FTO: variants seen among roughly 807,000 people sequenced by gnomAD.
FTO encodes alpha-ketoglutarate-dependent dioxygenase FTO.
FTO carries 47 observed loss-of-function variants against 63.9 expected under a neutral mutation model. The ratio of observed to expected loss-of-function variants is 0.74; its 90% CI spans 0.58 to 0.94. The LOEUF is 0.94. Ranked by LOEUF, FTO falls within the 40% of genes least tolerant of loss-of-function variation. FTO has a pLI of 0.00. For synonymous variants in FTO, 207 were observed against 224.4 expected (o/e 0.92, Z 0.69); for missense variants, 562 against 618.1 (o/e 0.91, Z 0.96).
intron 8 of FTO, among the ~76,000 whole-genome samples, chr16:53,943,720 C>T (rs1338274808): frequency 6.6e-6 from 1 of 152,178 alleles, no homozygotes; most frequent in Admixed American, 6.5e-5. Flanking sequence ...TAAAGTCATT[C>T]AGTTGAGATA....
At chr16:53,769,932 T>G (rs1438536006) in intron 1 of FTO, among the ~76,000 whole-genome samples, 1 of 152,062 alleles carries the variant, frequency 6.6e-6, no homozygotes, top group Non-Finnish European at 1.5e-5. Flanking sequence ...GGAAAAGAGC[T>G]GCAGAAATGT....
intron 8 of FTO, among the ~76,000 whole-genome samples, chr16:54,058,140 G>A (rs953889528): frequency 3.3e-5 from 5 of 151,918 alleles, no homozygotes; most frequent in African/African-American, 7.3e-5. Context: ...ACAGAGTCTC[G>A]CTCTGTCGTC....
chr16:54,017,183 G>A (rs756087338), intron 8 of FTO, among the ~76,000 whole-genome samples: 1 of 152,194 alleles, frequency 6.6e-6, no homozygotes, highest in Non-Finnish European at 1.5e-5. Context: ...AATAATCCAT[G>A]TATTGTTGAG....
At chr16:54,049,800 C>T (rs1036467418) in intron 8 of FTO, among the ~76,000 whole-genome samples, 5 of 152,168 alleles carry the variant, frequency 3.3e-5, no homozygotes, top group Non-Finnish European at 7.3e-5. Context: ...GCTCTTTTCC[C>T]AGGATTTGGC....
intron 6 of FTO, among the ~76,000 whole-genome samples, chr16:53,881,729 A>G (rs2080842478): frequency 6.6e-6 from 1 of 152,210 alleles, no homozygotes; most frequent in South Asian, 2.1e-4. Context: ...TGGACTACAT[A>G]CATTGTTTAG....
chr16:53,968,140 T>C (rs1460572246), intron 8 of FTO, among the ~76,000 whole-genome samples: 3 of 152,244 alleles, frequency 2.0e-5, no homozygotes, highest in Non-Finnish European at 4.4e-5. Context: ...GCACATTGTA[T>C]GTGCACTTAG....
chr16:54,005,781 AT>A (rs2084189481), intron 8 of FTO, among the ~76,000 whole-genome samples: 1 of 152,198 alleles, frequency 6.6e-6, no homozygotes, highest in Non-Finnish European at 1.5e-5. Flanking sequence ...CTGGAGCGGA[AT>A]TTGGTTTTAT....
rs903800274 is a variant in FTO, at chr16:53,844,393, T to C, written c.895+95T>C. 9 of 1,044,472 alleles carry C rather than the reference T, an allele frequency of 8.6e-6. No homozygotes were observed. The South Asian group carries it at 1.1e-4, about 13-fold the overall frequency. 64.7% of individuals were successfully genotyped at this position (1,044,472 alleles called of 1,614,324 possible). A position where few individuals can be genotyped will look rare whatever the true frequency, so the allele number is the denominator to read the frequency against. On this transcript the variant is annotated intron_variant, in intron 4 of 8. Transcript: ENST00000471389. The stretch of plus-strand genomic sequence containing the variant: ...TGAGTATGTCTTATGAAATAAACTT[T>C]TGGAGTATTTTATATTAAGAGCGAA...
intron 3 of FTO, among the ~76,000 whole-genome samples, chr16:53,828,865 C>T (rs527642661): frequency 6.6e-6 from 1 of 152,032 alleles, no homozygotes; most frequent in Non-Finnish European, 1.5e-5. Flanking sequence ...GCAGTGTAGC[C>T]GTCTCAGGGA....
At chr16:53,833,448 C>T (rs547024382) in intron 3 of FTO, among the ~76,000 whole-genome samples, 6 of 152,290 alleles carry the variant, frequency 3.9e-5, no homozygotes, top group South Asian at 2.1e-4. Context: ...ATTCATCCAT[C>T]GGCTATTCAT....
chr16:54,055,989 G>A (rs2085423587), intron 8 of FTO, among the ~76,000 whole-genome samples: 1 of 152,222 alleles, frequency 6.6e-6, no homozygotes, highest in Non-Finnish European at 1.5e-5. Flanking sequence ...GAGAGAGGAA[G>A]CTGATAACAA....
intron 7 of FTO, among the ~76,000 whole-genome samples, chr16:53,896,809 A>G (rs187771167): frequency 8.2e-4 from 125 of 152,226 alleles, no homozygotes; most frequent in African/African-American, 2.9e-3. Flanking sequence ...TCAGTCCAGG[A>G]GCTAAAGGGA....
chr16:54,102,099 A>G (rs1220647729), intron 8 of FTO, among the ~76,000 whole-genome samples: 5 of 152,270 alleles, frequency 3.3e-5, no homozygotes, highest in African/African-American at 1.2e-4. Context: ...ATTTTCTCCC[A>G]TTCTGCAGGT....
At chr16:53,784,255 T>C (rs9933509) in intron 1 of FTO, among the ~76,000 whole-genome samples, 66,774 of 151,994 alleles carry the variant, frequency 0.44, 15,118 homozygotes, top group African/African-American at 0.53. Context: ...ATTTCCACTG[T>C]GAAAACTCCT....
chr16:54,009,439 T>C (rs1253736511), intron 8 of FTO, among the ~76,000 whole-genome samples: 1 of 152,188 alleles, frequency 6.6e-6, no homozygotes, highest in Non-Finnish European at 1.5e-5. Flanking sequence ...AAACTCATAT[T>C]GCAAGTCTTG....
intron 2 of FTO, 112 bp from the exon 3 acceptor site, chr16:53,825,752 C>A: frequency 1.7e-6 from 2 of 1,203,286 alleles, no homozygotes; most frequent in Non-Finnish European, 2.4e-6. Flanking sequence ...TAGAAATAGC[C>A]ACCAGGTAGT....
chr16:54,018,092 A>G (rs2084494880), intron 8 of FTO, among the ~76,000 whole-genome samples: 1 of 151,714 alleles, frequency 6.6e-6, no homozygotes, highest in South Asian at 2.1e-4. Flanking sequence ...TCTCTTTTTC[A>G]CTTTGCTAAA....
chr16:53,962,601 G>A lies in FTO; in HGVS notation c.1364+28492G>A, dbSNP rs186944085. ...AGGGACAGTCCACAGATAATGATGC[G>A]TCCTGCATAAGTGCTTTCTCTCTTG... On this transcript the variant is annotated intron_variant, in intron 8 of 8. Coordinates refer to ENST00000471389, the MANE Select transcript of FTO (RefSeq NM_001080432.3). 2.0e-3 allele frequency among the ~76,000 whole-genome samples: 303 copies of A among 152,258 alleles called. 1 individual carries two copies. The highest frequency in any genetic ancestry group is 6.8e-3 in the African/African-American group (282 of 41,538).
chr16:54,077,311 G>A, intron 8 of FTO, among the ~76,000 whole-genome samples: 1 of 152,192 alleles, frequency 6.6e-6, no homozygotes, highest in Non-Finnish European at 1.5e-5. Context: ...AGATGCCAAA[G>A]CGGCCTTTGG....
Sources: gnomAD v4.1 joint callset for allele counts (sites outside exome capture counted in the v4.1 genomes callset) on GRCh38, gnomAD v4.1.1 for gene constraint, MANE v1.5 for transcripts, NCBI Gene and HGNC (gene_info 2026-07-23, HGNC 2026-07-21) for gene names.